The following CLSTN1 variants were observed in gnomAD, a reference collection of about 807,000 sequenced individuals.
The protein encoded by CLSTN1 is calsyntenin 1.
CLSTN1 carries 28 observed loss-of-function variants against 108.3 expected under a neutral mutation model. The ratio of observed to expected loss-of-function variants is 0.26; its 90% CI spans 0.19 to 0.35. The LOEUF (loss-of-function observed/expected upper bound fraction) is 0.35, where lower values mean the gene tolerates loss of function less well. Ranked by LOEUF, CLSTN1 falls within the 10% of genes least tolerant of loss-of-function variation. The probability of loss-of-function intolerance (pLI) is 1.00; values close to 1 mark genes in which losing one functional copy is unlikely to be tolerated. For synonymous variants in CLSTN1, 524 were observed against 534.9 expected (o/e 0.98, Z 0.28); for missense variants, 1,157 against 1,302.6 (o/e 0.89, Z 1.72).
rs546604998 is a variant in CLSTN1, at chr1:9,755,284, G to A, written c.270C>T (p.His90=). 1.7e-5 allele frequency: 27 copies of A among 1,612,430 alleles called. No individual in the cohort carries two copies. Among genetic ancestry groups the A allele is most frequent in the Admixed American group, 8.3e-5 (5 of 59,882 alleles). The change falls in exon 4 of 19, where the codon CAC becomes CAT. Residue 90 remains histidine (H), a synonymous_variant. Coordinates refer to ENST00000377298, the MANE Select transcript of CLSTN1 (RefSeq NM_001009566.3). Reference sequence around the variant, plus strand: ...CTGCATCAAAGGGGACATTCTGCCCGTGAATTTTAAATCCACAAATCTCAC... The same window carrying A: ...CTGCATCAAAGGGGACATTCTGCCCATGAATTTTAAATCCACAAATCTCAC... ...KEGEICGFKI[H]GQNVPFDAVV...
intron 1 of CLSTN1, among the ~76,000 whole-genome samples, chr1:9,785,191 G>A (rs935433675): frequency 1.3e-5 from 2 of 151,712 alleles, no homozygotes; most frequent in South Asian, 2.1e-4. Flanking sequence ...TATTTTTAGC[G>A]GAGACAGGGT....
intron 2 of CLSTN1, among the ~76,000 whole-genome samples, chr1:9,764,073 C>T (rs186424544): frequency 1.3e-5 from 2 of 148,210 alleles, no homozygotes; most frequent in East Asian, 4.0e-4. Context: ...CAAGGGGAAT[C>T]GTGTGTAGAA....
chr1:9,734,589 AGGG>A lies in CLSTN1; in HGVS notation c.2110+356_2110+358del, dbSNP rs1454563081. ...GACTCCATCTCAAAAAAAAAAAAAAAGGGGGGGAGTTTCATGTGTCCTGAGCAA... is the reference window on the plus strand; with the variant it reads ...GACTCCATCTCAAAAAAAAAAAAAAAGGGGAGTTTCATGTGTCCTGAGCAA... On this transcript the variant is annotated intron_variant, in intron 14 of 18. Transcript: ENST00000377298. The surrounding 1 kb of genome is among the most constrained non-coding windows in gnomAD (Gnocchi z 4.8). Among the ~76,000 whole-genome samples the A allele has an allele frequency of 6.7e-6, 1 of 149,126 alleles. No homozygotes were observed. The highest frequency in any genetic ancestry group is 1.5e-5 in the Non-Finnish European group (1 of 67,294).
rs763006360 is a variant in CLSTN1 at position 9,735,975 on chromosome 1, T to C, written c.1644A>G (p.Lys548=). The change falls in exon 12 of 19, where the codon AAA becomes AAG. Residue 548 remains lysine (K), a synonymous_variant. Coordinates refer to ENST00000377298, the MANE Select transcript of CLSTN1 (RefSeq NM_001009566.3). ...NLAGLTLRSG[K]LADKKVIDCL... The stretch of plus-strand genomic sequence containing the variant: ...AGTCGATCACCTTCTTATCCGCGAG[T>C]TTCCCGGAACGGAGAGTTAAGCCAG... 28 of 1,614,020 alleles carry C rather than the reference T, an allele frequency of 1.7e-5. 1 individual carries two copies. The East Asian group carries it at 2.5e-4, about 14-fold the overall frequency.
rs890821524 is a variant in CLSTN1 at position 9,823,937 on chromosome 1, T to C, written c.-204A>G. Reference sequence around the variant, plus strand: ...GCCCTCCCCGCCTCAGAGCAGCGTCTTGCTGAAGGCAGCGGCAGCAACTAA... The same window carrying C: ...GCCCTCCCCGCCTCAGAGCAGCGTCCTGCTGAAGGCAGCGGCAGCAACTAA... On this transcript the variant is annotated 5_prime_UTR_variant, in exon 1 of 19. Transcript: ENST00000377298. This position sits in a 1 kb window ranked among gnomAD's most constrained non-coding sequence, Gnocchi z 6.3. 6.1e-6 allele frequency: 1 copy of C among 163,296 alleles called. No individual in the cohort carries two copies. The highest frequency in any genetic ancestry group is 6.5e-5 in the Admixed American group (1 of 15,496). The allele number at this position is 163,296 out of a possible 1,614,324, so 10.1% of individuals were successfully genotyped here.
At chr1:9,751,387 G>C (rs765030835) in intron 5 of CLSTN1, 86 bp downstream of exon 5, 164 of 1,311,914 alleles carry the variant, frequency 1.3e-4, no homozygotes, top group Non-Finnish European at 1.7e-4. Context: ...ATGAAGTTCT[G>C]ACGAAGCACA....
At chr1:9,758,720 C>G (rs1651933703) in intron 2 of CLSTN1, among the ~76,000 whole-genome samples, 1 of 152,148 alleles carries the variant, frequency 6.6e-6, no homozygotes, top group African/African-American at 2.4e-5. Context: ...AGTGAGAATC[C>G]ACGGGTCAAA....
In CLSTN1 at chr1:9,733,440, C is replaced by T. The variant is rs759133911; in HGVS notation, c.2388G>A (p.Glu796=). 1.9e-4 allele frequency: 305 copies of T among 1,614,108 alleles called. No individual in the cohort carries two copies. Among genetic ancestry groups the T allele is most frequent in the Non-Finnish European group, 2.4e-4 (279 of 1,180,054 alleles). ...CGTTGCTGATGTAGCGGCCATTCAG[C>T]TCTGAGCAGATGAGCTTAAACTTCC... ...LDRKFKLICS[E]LNGRYISNEF... Residue 796 remains glutamate, a synonymous_variant, in exon 16 of 19, where the codon GAG becomes GAA. Coordinates refer to ENST00000377298, the MANE Select transcript of CLSTN1 (RefSeq NM_001009566.3).
At chr1:9,806,237 G>A (rs1168477460) in intron 1 of CLSTN1, among the ~76,000 whole-genome samples, 1 of 151,836 alleles carries the variant, frequency 6.6e-6, no homozygotes, top group Non-Finnish European at 1.5e-5. Flanking sequence ...GTGGAGGGGG[G>A]GAGGTTGCAG....
At chr1:9,738,805 C>T (rs1261413675) in intron 10 of CLSTN1, among the ~76,000 whole-genome samples, 9 of 152,120 alleles carry the variant, frequency 5.9e-5, no homozygotes, top group Non-Finnish European at 8.8e-5. Flanking sequence ...CACGCCACCA[C>T]GCCTGGCTAA....
At chr1:9,824,224 G>A (rs1025095684), upstream of CLSTN1, 4 of 150,934 alleles carry the variant, frequency 2.7e-5, no homozygotes, top group Admixed American at 6.6e-5. The surrounding 1 kb of genome is among the most constrained non-coding windows in gnomAD (Gnocchi z 5.0). Flanking sequence ...CGAGCGGCCG[G>A]GAGGGGCCCG....
At chr1:9,819,523 C>T (rs1295270781) in intron 1 of CLSTN1, among the ~76,000 whole-genome samples, 1 of 152,088 alleles carries the variant, frequency 6.6e-6, no homozygotes, top group African/African-American at 2.4e-5. Flanking sequence ...GCGTTTTTGG[C>T]TTGAATATCA....
intron 1 of CLSTN1, among the ~76,000 whole-genome samples, chr1:9,782,130 AG>A (rs1198414918): frequency 3.3e-5 from 5 of 152,202 alleles, no homozygotes; most frequent in Non-Finnish European, 7.3e-5. Flanking sequence ...TTTTTTAAAC[AG>A]TTTGTTGGGC....
chr1:9,816,305 A>G (rs905663971), intron 1 of CLSTN1, among the ~76,000 whole-genome samples: 1 of 152,178 alleles, frequency 6.6e-6, no homozygotes, highest in African/African-American at 2.4e-5. Context: ...AAAATAAGCA[A>G]ATCCATAGAC....
chr1:9,809,837 G>A (rs769883433), intron 1 of CLSTN1, among the ~76,000 whole-genome samples: 6 of 149,696 alleles, frequency 4.0e-5, no homozygotes, highest in Non-Finnish European at 8.9e-5. Flanking sequence ...GGGGACAGAG[G>A]TTGCAGTGAA....
intron 1 of CLSTN1, among the ~76,000 whole-genome samples, chr1:9,791,587 A>G (rs1653773415): frequency 6.6e-6 from 1 of 150,720 alleles, no homozygotes; most frequent in Non-Finnish European, 1.5e-5. Flanking sequence ...GCTGAAGCGC[A>G]GTGGCACAGC....
At chr1:9,731,665 G>A (rs995273921) in intron 17 of CLSTN1, 96 bp downstream of exon 17, 2 of 1,252,854 alleles carry the variant, frequency 1.6e-6, no homozygotes, top group Non-Finnish European at 2.3e-6. Flanking sequence ...GGAAAGACCG[G>A]CGGTCATGCT....
At chr1:9,781,951 A>C (rs1653271202) in intron 1 of CLSTN1, among the ~76,000 whole-genome samples, 1 of 152,186 alleles carries the variant, frequency 6.6e-6, no homozygotes, top group Non-Finnish European at 1.5e-5. Context: ...TGAATTGTTT[A>C]TGCATTATAA....
At chr1:9,789,590 T>C (rs1435761213) in intron 1 of CLSTN1, among the ~76,000 whole-genome samples, 1 of 151,486 alleles carries the variant, frequency 6.6e-6, no homozygotes, top group Non-Finnish European at 1.5e-5. Context: ...CCAGACATCA[T>C]ATAACTTCCC....
Sources: gnomAD v4.1 joint callset for allele counts (sites outside exome capture counted in the v4.1 genomes callset) on GRCh38, gnomAD v4.1.1 for gene constraint, Gnocchi (gnomAD v3.1) non-coding constraint, MANE v1.5 for transcripts, NCBI Gene and HGNC (gene_info 2026-07-23, HGNC 2026-07-21) for gene names.